STEAP1B: variants seen among roughly 807,000 people sequenced by gnomAD.
STEAP1B encodes STEAP family member 1B, also known as STEAP family protein MGC87042.
In STEAP1B, 13 loss-of-function variants were observed where a neutral mutation model predicts 27.9. That is an observed-to-expected ratio of 0.47 (90% CI 0.30 to 0.74). The LOEUF (loss-of-function observed/expected upper bound fraction) is 0.74, where lower values mean the gene tolerates loss of function less well. Among genes scored for constraint, STEAP1B ranks in the 30% least tolerant of loss-of-function variants. The probability of loss-of-function intolerance (pLI) is 0.06; values close to 1 mark genes in which losing one functional copy is unlikely to be tolerated. For synonymous variants in STEAP1B, 86 were observed against 107.1 expected (o/e 0.80, Z 1.22); for missense variants, 250 against 298.7 (o/e 0.84, Z 1.20).
intron 4 of STEAP1B, among the ~76,000 whole-genome samples, chr7:22,431,975 T>C (rs1785193008): frequency 6.6e-6 from 1 of 152,186 alleles, no homozygotes; most frequent in African/African-American, 2.4e-5. Flanking sequence ...TCTGAATGTT[T>C]GCGTCTCTCC....
intron 4 of STEAP1B, among the ~76,000 whole-genome samples, chr7:22,450,258 T>C (rs1003286725): frequency 7.2e-5 from 11 of 152,240 alleles, no homozygotes; most frequent in African/African-American, 1.7e-4. Flanking sequence ...CCCAGACCAA[T>C]GTCCTGGAGA....
intron 4 of STEAP1B, among the ~76,000 whole-genome samples, chr7:22,463,273 G>C (rs559111527): frequency 6.6e-6 from 1 of 151,862 alleles, no homozygotes; most frequent in South Asian, 2.1e-4. Context: ...TCTTCAAGGA[G>C]AACTACAAAC....
In STEAP1B at chr7:22,479,280, C is replaced by A. The variant is rs111518406; in HGVS notation, c.762+13285G>T. On this transcript the variant is annotated intron_variant, in intron 4 of 4. Coordinates refer to ENST00000678116, the MANE Select transcript of STEAP1B (RefSeq NM_001382447.1). ...AACAAAAGGAGATAGGGGTAGGGGG[C>A]AAAACGTGATGCCGGCGCTGCAAGG... Among the ~76,000 whole-genome samples the A allele has an allele frequency of 2.3e-3, 351 of 152,244 alleles. 1 individual carries two copies. Among genetic ancestry groups the A allele is most frequent in the African/African-American group, 7.7e-3 (322 of 41,558 alleles).
chr7:22,461,921 T>C (rs1785685117), intron 4 of STEAP1B, among the ~76,000 whole-genome samples: 1 of 152,182 alleles, frequency 6.6e-6, no homozygotes, highest in Non-Finnish European at 1.5e-5. Context: ...ACTGTTAGGA[T>C]TAAGTGAGAT....
chr7:22,469,991 G>A (rs1024056099), intron 4 of STEAP1B, among the ~76,000 whole-genome samples: 10 of 152,150 alleles, frequency 6.6e-5, no homozygotes, highest in African/African-American at 2.4e-4. Flanking sequence ...AGAAATAAAA[G>A]AGGTGTGCAT....
At chr7:22,489,880 C>T (rs1442048737) in intron 4 of STEAP1B, among the ~76,000 whole-genome samples, 1 of 152,068 alleles carries the variant, frequency 6.6e-6, no homozygotes, top group Non-Finnish European at 1.5e-5. Flanking sequence ...ATATTGATTC[C>T]TCCTATCCGT....
rs567073002 is a variant in STEAP1B, at chr7:22,439,431, AT to A, written c.763-19596del. On this transcript the variant is annotated intron_variant, in intron 4 of 4. Transcript: ENST00000678116. Reference sequence around the variant, plus strand: ...AGATTATCAGCTAGTTCCAATGAAGATTTTTTTTTTTTCATACAAGTCATGA... The same window carrying A: ...AGATTATCAGCTAGTTCCAATGAAGATTTTTTTTTTTCATACAAGTCATGA... Among the ~76,000 whole-genome samples the A allele has an allele frequency of 3.1e-3, 460 of 147,574 alleles. 3 individuals are homozygous for A. The highest frequency in any genetic ancestry group is 9.1e-3 in the African/African-American group (367 of 40,506).
chr7:22,423,096 G>A (rs890295184), intron 4 of STEAP1B, among the ~76,000 whole-genome samples: 2 of 152,162 alleles, frequency 1.3e-5, no homozygotes, highest in Non-Finnish European at 1.5e-5. Flanking sequence ...ACAAGTGAAG[G>A]AGCTCAGTGT....
In STEAP1B at chr7:22,486,230, G is replaced by A. The variant is rs150119348; in HGVS notation, c.762+6335C>T. 1.8e-4 allele frequency among the ~76,000 whole-genome samples: 28 copies of A among 152,244 alleles called. 1 individual carries two copies. The highest frequency in any genetic ancestry group is 6.3e-4 in the African/African-American group (26 of 41,548). On this transcript the variant is annotated intron_variant, in intron 4 of 4. Coordinates refer to ENST00000678116, the MANE Select transcript of STEAP1B (RefSeq NM_001382447.1). The stretch of plus-strand genomic sequence containing the variant: ...GTGGTTTAGAGAGAAAGTCGCTTGC[G>A]TTCACAGAACACTAATTTCTAACAG...
intron 4 of STEAP1B, among the ~76,000 whole-genome samples, chr7:22,484,483 A>C (rs1443090552): frequency 6.6e-6 from 1 of 152,206 alleles, no homozygotes; most frequent in African/African-American, 2.4e-5. Flanking sequence ...CTCATAATAA[A>C]GATGTCTTTC....
At chr7:22,434,550 A>G (rs1583630113) in intron 4 of STEAP1B, among the ~76,000 whole-genome samples, 2 of 152,242 alleles carry the variant, frequency 1.3e-5, no homozygotes, top group East Asian at 3.8e-4. Flanking sequence ...ACATCTCAGA[A>G]GATAATATGT....
chr7:22,465,798 G>C (rs563195479), intron 4 of STEAP1B, among the ~76,000 whole-genome samples: 4 of 152,272 alleles, frequency 2.6e-5, no homozygotes, highest in Non-Finnish European at 5.9e-5. Flanking sequence ...CATAGAAATA[G>C]TCCAGTGCTG....
chr7:22,475,758 A>T (rs1386755854), intron 4 of STEAP1B, among the ~76,000 whole-genome samples: 3 of 152,222 alleles, frequency 2.0e-5, no homozygotes, highest in Non-Finnish European at 2.9e-5. Context: ...TCTGAGGAAC[A>T]TCTGAGTCCC....
intron 4 of STEAP1B, among the ~76,000 whole-genome samples, chr7:22,448,816 C>T (rs1785444064): frequency 6.6e-6 from 1 of 152,118 alleles, no homozygotes; most frequent in Non-Finnish European, 1.5e-5. Flanking sequence ...GAGATACACC[C>T]AATCTAGCAT....
rs1454941504 is a variant in STEAP1B, at chr7:22,426,191, AT to A, written c.763-6356del. ...AATCCTTTTGTCTCCTGGGCACTGC[AT>A]AAAAAAATGAAAAGTTTGAATAGTT... On this transcript the variant is annotated intron_variant, in intron 4 of 4. Coordinates refer to ENST00000678116, the MANE Select transcript of STEAP1B (RefSeq NM_001382447.1). 1.4e-4 allele frequency among the ~76,000 whole-genome samples: 10 copies of A among 72,258 alleles called. 1 individual carries two copies. The East Asian group carries it at 3.7e-3, about 27-fold the overall frequency. The allele number at this position is 72,258 out of a possible 152,430, so 47.4% of individuals were successfully genotyped here. A position where few individuals can be genotyped will look rare whatever the true frequency, so the allele number is the denominator to read the frequency against.
At chr7:22,478,235 A>G (rs958276117) in intron 4 of STEAP1B, among the ~76,000 whole-genome samples, 13 of 152,226 alleles carry the variant, frequency 8.5e-5, no homozygotes, top group Non-Finnish European at 2.9e-5. Flanking sequence ...CTATTGTTTA[A>G]GAAGTCTGGG....
intron 1 of STEAP1B, among the ~76,000 whole-genome samples, chr7:22,497,954 G>C (rs572767326): frequency 6.6e-6 from 1 of 152,282 alleles, no homozygotes; most frequent in African/African-American, 2.4e-5. Context: ...AAGGGGGATA[G>C]GGTTTTGAGG....
chr7:22,457,587 A>G (rs1053691135), intron 4 of STEAP1B, among the ~76,000 whole-genome samples: 20 of 152,198 alleles, frequency 1.3e-4, no homozygotes, highest in African/African-American at 4.8e-4. Flanking sequence ...TTAAAATTCT[A>G]CAGTTCTATG....
intron 1 of STEAP1B, chr7:22,495,366 T>C (rs1786421770): frequency 6.6e-6 from 1 of 152,280 alleles, no homozygotes; most frequent in African/African-American, 2.4e-5. Context: ...GAGTACCATT[T>C]TTCTTTTGGA....
Sources: gnomAD v4.1 joint callset for allele counts (sites outside exome capture counted in the v4.1 genomes callset) on GRCh38, gnomAD v4.1.1 for gene constraint, MANE v1.5 for transcripts, NCBI Gene and HGNC (gene_info 2026-07-23, HGNC 2026-07-21) for gene names.